Variants in UBR1 observed in about 807,000 individuals in gnomAD.
The protein encoded by UBR1 is ubiquitin protein ligase E3 component n-recognin 1.
UBR1 carries 102 observed loss-of-function variants against 242.1 expected under a neutral mutation model. The ratio of observed to expected loss-of-function variants is 0.42; its 90% confidence interval spans 0.36 to 0.50. The LOEUF (loss-of-function observed/expected upper bound fraction) is 0.50. Ranked by LOEUF, UBR1 falls within the 20% of genes least tolerant of loss-of-function variation. The pLI is 0.01. For synonymous variants in UBR1, 675 were observed against 684.8 expected (o/e 0.99, Z 0.22); for missense variants, 1,772 against 2,101.8 (o/e 0.84, Z 3.07).
At chr15:43,042,088 G>C (rs1253171317) in intron 15 of UBR1, among the ~76,000 whole-genome samples, 1 of 152,154 alleles carries the variant, frequency 6.6e-6, no homozygotes, top group Non-Finnish European at 1.5e-5. Context: ...GGGTGGGAAT[G>C]TAAAATGGTA....
At position 42,943,343 on chromosome 15, in the gene UBR1, T is replaced by C. The variant is rs2031681437; in HGVS notation, c.*1986A>G. The C allele has an allele frequency of 6.6e-6, 1 of 152,624 alleles. No homozygotes were observed. Among genetic ancestry groups the C allele is most frequent in the Non-Finnish European group, 1.5e-5 (1 of 68,042 alleles). 9.5% of individuals were successfully genotyped at this position (152,624 alleles called of 1,614,324 possible). ...TGTAAGTAAACTTCATAAGCATAAT[T>C]GTTTGCAATGATTAAGGTAAATCAC... On this transcript the variant is annotated 3_prime_UTR_variant, in exon 47 of 47. Coordinates refer to ENST00000290650, the MANE Select transcript of UBR1 (RefSeq NM_174916.3).
At chr15:43,098,143 T>C (rs2034182443) in intron 1 of UBR1, among the ~76,000 whole-genome samples, 1 of 152,222 alleles carries the variant, frequency 6.6e-6, no homozygotes, top group African/African-American at 2.4e-5. Context: ...GGTATAGGGA[T>C]GCCCAAGGAG....
At chr15:42,999,982 C>CA (rs1051177449) in intron 32 of UBR1, among the ~76,000 whole-genome samples, 21 of 151,624 alleles carry the variant, frequency 1.4e-4, no homozygotes, top group Non-Finnish European at 1.5e-5. Flanking sequence ...TTTTTGTTTT[C>CA]AAAAAATGGA....
rs988890347 is a variant in UBR1 at position 43,060,055 on chromosome 15, T to G, written c.858A>C (p.Ile286=). ...TCCCCCTAATTCAGAAAGTTACCTT[T>G]ATATCTTCCTTTGCTTCCTGGCAAG... ...YAACQEAKED[I]KSHSENVSQH... The change falls in exon 7 of 47, where the codon ATA becomes ATC. Residue 286 remains isoleucine, a synonymous_variant. Coordinates refer to ENST00000290650, the MANE Select transcript of UBR1 (RefSeq NM_174916.3). 6.2e-7 allele frequency: 1 copy of G among 1,614,106 alleles called. No individual in the cohort carries two copies. The highest frequency in any genetic ancestry group is 1.7e-5 in the Admixed American group (1 of 60,024).
chr15:43,031,989 G>A (rs747296969), intron 20 of UBR1, among the ~76,000 whole-genome samples: 29 of 152,060 alleles, frequency 1.9e-4, no homozygotes, highest in Non-Finnish European at 3.5e-4. Flanking sequence ...AGCTGAGATC[G>A]CACCACTGCA....
chr15:43,004,498 C>G (rs900871593), intron 30 of UBR1, among the ~76,000 whole-genome samples: 2 of 152,200 alleles, frequency 1.3e-5, no homozygotes, highest in African/African-American at 2.4e-5. Context: ...CCTGCCTCAG[C>G]CTGCAGAGTG....
At position 43,043,200 on chromosome 15, in the gene UBR1, AAAAC is replaced by A; in HGVS notation, c.1849+11_1849+14del. 2 of 1,614,080 alleles carry A rather than the reference AAAAC, an allele frequency of 1.2e-6. No homozygotes were observed. Among genetic ancestry groups the A allele is most frequent in the Non-Finnish European group, 1.7e-6 (2 of 1,179,996 alleles). Reference sequence around the variant, plus strand: ...AGCTAATAGGTATATGCAAAAAGAAAAAACAAACACTCACCAGCAAGGGTCCTAG... The same window carrying A: ...AGCTAATAGGTATATGCAAAAAGAAAAAACACTCACCAGCAAGGGTCCTAG... On this transcript the variant is annotated intron_variant, in intron 15 of 46. Transcript: ENST00000290650.
chr15:43,017,415 T>TG (rs1263203613), intron 27 of UBR1, among the ~76,000 whole-genome samples: 9 of 152,218 alleles, frequency 5.9e-5, no homozygotes, highest in Non-Finnish European at 1.0e-4. Context: ...TTCAGTAGGC[T>TG]GGGGGCATGC....
intron 46 of UBR1, 85 bp from the exon 47 acceptor site, chr15:42,945,555 G>T: frequency 6.5e-7 from 1 of 1,541,336 alleles, no homozygotes; most frequent in Non-Finnish European, 8.8e-7. Context: ...ATGCACTCTT[G>T]AGATGTTCCT....
chr15:42,991,300 C>T (rs933666070), intron 33 of UBR1, among the ~76,000 whole-genome samples: 1 of 151,874 alleles, frequency 6.6e-6, no homozygotes, highest in African/African-American at 2.4e-5. Flanking sequence ...TGAGGTCTCG[C>T]TATGTTTTGC....
At chr15:43,031,839 G>A (rs1252626179) in intron 20 of UBR1, among the ~76,000 whole-genome samples, 1 of 152,116 alleles carries the variant, frequency 6.6e-6, no homozygotes, top group East Asian at 1.9e-4. Context: ...TGGCCAATAT[G>A]GTGAAACCCC....
intron 41 of UBR1, 140 bp from the exon 42 acceptor site, chr15:42,964,183 T>A: frequency 1.4e-6 from 1 of 695,680 alleles, no homozygotes. Context: ...AAACCATGGG[T>A]GGCAGTCCGG....
chr15:42,970,679 G>A (rs1827585336), intron 39 of UBR1, 72 bp from the exon 40 acceptor site: 7 of 1,349,058 alleles, frequency 5.2e-6, no homozygotes, highest in Non-Finnish European at 7.4e-6. Context: ...TAATTTCATT[G>A]TTCCAAGACA....
chr15:43,025,675 AC>A (rs752625184), intron 23 of UBR1: 2 of 480,104 alleles, frequency 4.2e-6, no homozygotes, highest in East Asian at 3.9e-5. Context: ...TTTACCCAGT[AC>A]CTATTATGCA....
intron 32 of UBR1, among the ~76,000 whole-genome samples, chr15:42,999,820 TAA>T (rs960901695): frequency 7.1e-6 from 1 of 140,940 alleles, no homozygotes; most frequent in African/African-American, 2.6e-5. Flanking sequence ...AGACCCTATC[TAA>T]AAAAAAAAAC....
intron 12 of UBR1, among the ~76,000 whole-genome samples, chr15:43,053,412 T>C (rs2033579707): frequency 1.3e-5 from 2 of 152,154 alleles, no homozygotes; most frequent in Admixed American, 1.3e-4. Context: ...TTTTCTATAT[T>C]CACTGACCTA....
At chr15:42,970,751 T>A in intron 39 of UBR1, 144 bp from the exon 40 acceptor site, 1 of 774,386 alleles carries the variant, frequency 1.3e-6, no homozygotes, top group South Asian at 1.6e-5. Context: ...AGACAGAGTT[T>A]CGCTCTTGTT....
At chr15:43,035,935 G>C (rs564449255) in intron 19 of UBR1, among the ~76,000 whole-genome samples, 1 of 123,036 alleles carries the variant, frequency 8.1e-6, no homozygotes, top group Non-Finnish European at 1.6e-5. Context: ...GTGGTGGGGT[G>C]GGGGGAGGGG....
Position 43,024,983 on chromosome 15 carries a change from G to C in UBR1, c.2585C>G (p.Ala862Gly). 2 of 1,614,040 alleles carry C rather than the reference G, an allele frequency of 1.2e-6. No homozygotes were observed. Among genetic ancestry groups the C allele is most frequent in the Non-Finnish European group, 1.7e-6 (2 of 1,179,912 alleles). ...TTCAGGAGGTGGTGGTGGCGGCAAT[G>C]CTATAGGAGGTGGGGAATGGATGGG... ...KRRKQENKDEALPPPPPPEFC... is the reference protein window; with the variant it reads ...KRRKQENKDEGLPPPPPPEFC... Residue 862 changes from alanine to glycine, a missense_variant and splice_region_variant, in exon 25 of 47, where the codon GCA becomes GGA. Ala to Gly is a moderately conservative substitution (Grantham distance 60). Around this residue, in one of 3 missense-constraint regions of UBR1, gnomAD observed 965 missense variants for 1,079.7 expected, o/e 0.89. Transcript: ENST00000290650.
Sources: allele counts gnomAD v4.1 joint callset (sites outside exome capture counted in the v4.1 genomes callset), GRCh38; gene constraint gnomAD v4.1.1; regional missense constraint gnomAD v4.1.1; transcripts MANE v1.5; gene names NCBI Gene and HGNC (gene_info 2026-07-23, HGNC 2026-07-21).